FGD2: variants seen among roughly 807,000 people sequenced by gnomAD.
FGD2 encodes the protein FYVE, RhoGEF and PH domain-containing protein 2.
Under a neutral mutation model 75.9 loss-of-function variants are expected in FGD2, and 52 were observed. That is an observed-to-expected ratio of 0.69 (90% CI 0.55 to 0.86). FGD2 has a LOEUF of 0.86. Among genes scored for constraint, FGD2 ranks in the 40% least tolerant of loss-of-function variants. FGD2 has a pLI of 0.00. For missense variants in FGD2, 790 were observed against 872.0 expected (o/e 0.91, Z 1.18); for synonymous variants, 347 against 348.6 (o/e 1.00, Z 0.05).
chr6:37,014,212 C>A, intron 6 of FGD2, 112 bp downstream of exon 6: 2 of 1,267,106 alleles, frequency 1.6e-6, no homozygotes, highest in Non-Finnish European at 2.2e-6. Flanking sequence ...CAACATCAAC[C>A]ACTGGCACTT....
Position 37,008,965 on chromosome 6 carries a change from C to G in FGD2, c.200C>G (p.Thr67Arg). ...VGEAVGSEPR[T>R]VSRRYLNSLK... ...GAGGCCGTGGGGTCTGAGCCCAGGA[C>G]AGTCAGCAGGAGGTACCTGAACTCC... Residue 67 changes from threonine to arginine, a missense_variant, in exon 2 of 16, where the codon ACA becomes AGA. Coordinates refer to ENST00000274963, the MANE Select transcript of FGD2 (RefSeq NM_173558.4). 1 of 1,614,262 alleles carries G rather than the reference C, an allele frequency of 6.2e-7. No individual in the cohort carries two copies. Among genetic ancestry groups the G allele is most frequent in the Non-Finnish European group, 8.5e-7 (1 of 1,180,046 alleles).
In FGD2 at chr6:37,028,098, G is replaced by A. The variant is rs767699368; in HGVS notation, c.1903G>A (p.Ala635Thr). The A allele has an allele frequency of 4.3e-6, 7 of 1,612,546 alleles. No homozygotes were observed. Among genetic ancestry groups the A allele is most frequent in the Admixed American group, 3.3e-5 (2 of 59,976 alleles). The change falls in exon 16 of 16, where the codon GCC (alanine) becomes ACC (threonine). Residue 635 changes from alanine (A) to threonine (T), a missense_variant. By Grantham distance (58) the Ala-to-Thr change is moderately conservative. Transcript: ENST00000274963. ...GGAGCTGAAGGGCCGCTGGGTGAAG[G>A]CCATGGAGCGGGCGGCCAGTGGCTG... ...TEELKGRWVK[A>T]MERAASGWSP...
intron 6 of FGD2, 159 bp from the exon 7 acceptor site, chr6:37,014,487 C>T (rs1765178567): frequency 1.5e-5 from 12 of 792,466 alleles, no homozygotes; most frequent in Middle Eastern, 2.7e-4. Flanking sequence ...GGGGGGCTCC[C>T]GCCATTCAGA....
Position 37,022,297 on chromosome 6 carries a change from C to A in FGD2, c.1385C>A (p.Thr462Asn). The A allele has an allele frequency of 6.3e-7, 1 of 1,588,824 alleles. No homozygotes were observed. Among genetic ancestry groups the A allele is most frequent in the Non-Finnish European group, 8.5e-7 (1 of 1,170,484 alleles). ...CAGTGGGTCCGGGACAAGATGGTGA[C>A]CATGTGCATGCGCTGCCAGGAGCCC... Reference protein sequence around the residue: ...APQWVRDKMVTMCMRCQEPFN... With the variant: ...APQWVRDKMVNMCMRCQEPFN... The change falls in exon 13 of 16, where the codon ACC (threonine) becomes AAC (asparagine). Residue 462 changes from threonine to asparagine, a missense_variant. Transcript: ENST00000274963.
rs779813836 is a variant in FGD2 at position 37,025,896 on chromosome 6, G to A, written c.1563G>A (p.Val521=). The change falls in exon 14 of 16, where the codon GTG becomes GTA. Residue 521 remains valine, a synonymous_variant. Coordinates refer to ENST00000274963, the MANE Select transcript of FGD2 (RefSeq NM_173558.4). The part of the protein sequence containing the change: ...LHCYAFLTGN[V]LPEAKEDKRR... ...GCTACGCATTCCTCACTGGAAATGTGCTGCCTGAGGCCAAGGAGGACAAGA... is the reference window on the plus strand; with the variant it reads ...GCTACGCATTCCTCACTGGAAATGTACTGCCTGAGGCCAAGGAGGACAAGA... 1 of 1,614,212 alleles carries A rather than the reference G, an allele frequency of 6.2e-7. No individual in the cohort carries two copies. Among genetic ancestry groups the A allele is most frequent in the South Asian group, 1.1e-5 (1 of 91,086 alleles).
At chr6:37,023,737 G>A (rs1001260623) in intron 13 of FGD2, 4 of 152,226 alleles carry the variant, frequency 2.6e-5, no homozygotes, top group Admixed American at 1.3e-4. Flanking sequence ...GTTACATCCC[G>A]AAGCCAGGTA....
rs774863742 is a variant in FGD2 at position 37,011,734 on chromosome 6, C to T, written c.407C>T (p.Ala136Val). Residue 136 changes from alanine to valine, a missense_variant, in exon 4 of 16, where the codon GCC becomes GTC. Transcript: ENST00000274963. ...QVFFQELLKT[A>V]RSSKAFPEDV... ...TTTTTCCAGGAGCTGCTGAAGACAG[C>T]CCGCAGCAGCAAGGCCTTCCCAGAG... 1.9e-6 allele frequency: 3 copies of T among 1,613,994 alleles called. No homozygotes were observed. The highest frequency in any genetic ancestry group is 1.3e-5 in the African/African-American group (1 of 74,932).
chr6:37,027,299 C>T (rs1052123029), intron 14 of FGD2, 130 bp from the exon 15 acceptor site: 1 of 1,090,542 alleles, frequency 9.2e-7, no homozygotes, highest in Non-Finnish European at 1.3e-6. Flanking sequence ...CCTCTCTGAG[C>T]CTCAAGGACC....
rs935369047 is a variant in FGD2, at chr6:37,025,848, G to A, written c.1515G>A (p.Arg505=). The stretch of plus-strand genomic sequence containing the variant: ...CCGAACTGAAATACGACGACAACAG[G>A]CCCAACCGAGTCTGCCTCCACTGCT... The part of the protein sequence containing the change: ...YRAELKYDDN[R]PNRVCLHCYA... The change falls in exon 14 of 16, where the codon AGG becomes AGA. Residue 505 remains arginine, a synonymous_variant. Coordinates refer to ENST00000274963, the MANE Select transcript of FGD2 (RefSeq NM_173558.4). 22 of 1,614,032 alleles carry A rather than the reference G, an allele frequency of 1.4e-5. No homozygotes were observed. Among genetic ancestry groups the A allele is most frequent in the Admixed American group, 5.0e-5 (3 of 59,998 alleles).
At chr6:37,027,788 G>T (rs1765898979) in intron 15 of FGD2, 160 bp from the exon 16 acceptor site, 2 of 1,029,046 alleles carry the variant, frequency 1.9e-6, no homozygotes, top group East Asian at 5.2e-5. Context: ...GAGGCAGCCA[G>T]TTCTTCTGTC....
chr6:37,020,092 T>A (rs757157622), intron 9 of FGD2, among the ~76,000 whole-genome samples: 2 of 152,190 alleles, frequency 1.3e-5, no homozygotes, highest in Non-Finnish European at 2.9e-5. Flanking sequence ...CCTCTAGTGA[T>A]CTACCCGCCT....
intron 1 of FGD2, among the ~76,000 whole-genome samples, chr6:37,006,367 T>A (rs1166943338): frequency 6.6e-6 from 1 of 152,166 alleles, no homozygotes; most frequent in Non-Finnish European, 1.5e-5. Flanking sequence ...ACGGGCAGCA[T>A]CCTGATGGGG....
intron 8 of FGD2, among the ~76,000 whole-genome samples, chr6:37,015,400 G>A (rs574684030): frequency 1.8e-4 from 27 of 152,310 alleles, no homozygotes; most frequent in African/African-American, 6.5e-4. Flanking sequence ...GGAAGAAGCC[G>A]GGGGATCTCC....
In FGD2 at chr6:37,015,779, G is replaced by A; in HGVS notation, c.1041G>A (p.Met347Ile). 1 of 1,591,256 alleles carries A rather than the reference G, an allele frequency of 6.3e-7. No individual in the cohort carries two copies. Among genetic ancestry groups the A allele is most frequent in the Non-Finnish European group, 8.5e-7 (1 of 1,169,592 alleles). ...TGTGTCTCCTGCAGTTCAACAACATGCTGCTCTACTGTGTGCCCAGGGTGA... is the reference window on the plus strand; with the variant it reads ...TGTGTCTCCTGCAGTTCAACAACATACTGCTCTACTGTGTGCCCAGGGTGA... ...MERYLFLFNN[M>I]LLYCVPRVIQ... The change falls in exon 9 of 16, where the codon ATG becomes ATA. Residue 347 changes from methionine (M) to isoleucine (I), a missense_variant. By Grantham distance (10) the Met-to-Ile change is conservative. Transcript: ENST00000274963.
chr6:37,018,153 G>T (rs147248400), intron 9 of FGD2, among the ~76,000 whole-genome samples: 176 of 152,316 alleles, frequency 1.2e-3, no homozygotes, highest in African/African-American at 3.7e-3. Context: ...GAAAAATAGA[G>T]ATCGACAGAT....
intron 14 of FGD2, chr6:37,026,308 G>A (rs1033622722): frequency 1.0e-6 from 1 of 985,372 alleles, no homozygotes; most frequent in Non-Finnish European, 1.2e-6. Context: ...TTTACAGATG[G>A]GAACACTGAC....
At chr6:37,015,216 T>C (rs1347118001) in intron 8 of FGD2, among the ~76,000 whole-genome samples, 178 bp downstream of exon 8, 3 of 152,228 alleles carry the variant, frequency 2.0e-5, no homozygotes, top group African/African-American at 7.2e-5. Context: ...CTGCTGCCTC[T>C]AAGCCTCAGA....
intron 15 of FGD2, 89 bp from the exon 16 acceptor site, chr6:37,027,859 G>A (rs1279113466): frequency 2.8e-6 from 4 of 1,423,220 alleles, no homozygotes; most frequent in Non-Finnish European, 3.9e-6. Context: ...GGTGTGAGCT[G>A]TGCGTGCGTG....
chr6:37,013,753 C>T lies in FGD2; in HGVS notation c.672C>T (p.Leu224=). ...TDKSPLFQEV[L]TRIQSSEASG... is the part of the protein sequence containing the mutation. ...AGTCTCCACTCTTCCAGGAGGTTCT[C>T]ACTCGCATCCAGGTGAGGCTGGGGG... Residue 224 remains leucine (L), a synonymous_variant, in exon 5 of 16, where the codon CTC becomes CTT. Coordinates refer to ENST00000274963, the MANE Select transcript of FGD2 (RefSeq NM_173558.4). 5 of 1,613,980 alleles carry T rather than the reference C, an allele frequency of 3.1e-6. No individual in the cohort carries two copies. Among genetic ancestry groups the T allele is most frequent in the Non-Finnish European group, 4.2e-6 (5 of 1,179,934 alleles).
Sources: gnomAD v4.1 joint callset for allele counts (sites outside exome capture counted in the v4.1 genomes callset) on GRCh38, gnomAD v4.1.1 for gene constraint, MANE v1.5 for transcripts, NCBI Gene and HGNC (gene_info 2026-07-23, HGNC 2026-07-21) for gene names.